FARP1: variants seen among roughly 807,000 people sequenced by gnomAD.
FARP1 encodes FERM, ARH/RhoGEF and pleckstrin domain protein 1, also known as FERM, ARHGEF and pleckstrin domain-containing protein 1.
FARP1 carries 52 observed loss-of-function variants against 128.8 expected under a neutral mutation model. That is an observed-to-expected ratio of 0.40 (90% CI 0.32 to 0.51). FARP1 has a LOEUF of 0.51. Among genes scored for constraint, FARP1 ranks in the 20% least tolerant of loss-of-function variants. The pLI, the probability that FARP1 is intolerant of heterozygous loss-of-function variation, is 0.45. For missense variants in FARP1, 1,333 were observed against 1,367.9 expected, an observed-to-expected ratio of 0.97 and a Z score of 0.40; for synonymous variants, 580 against 551.8, an observed-to-expected ratio of 1.05 and a Z score of -0.72.
chr13:98,176,384 G>A lies in FARP1; in HGVS notation c.-24+32892G>A, dbSNP rs1878028968. 1 of 1,614,104 alleles carries A rather than the reference G, an allele frequency of 6.2e-7. No homozygotes were observed. The highest frequency in any genetic ancestry group is 1.7e-5 in the Admixed American group (1 of 60,014). On this transcript the variant is annotated intron_variant, in intron 1 of 26. Transcript: ENST00000319562. The surrounding 1 kb of genome is among the most constrained non-coding windows in gnomAD (Gnocchi z 6.2). ...CAGATGTAGCAGCGCGGGGTGGCCC[G>A]GAAGTGCTCCAGCGCGCAGCTCTCG...
intron 16 of FARP1, among the ~76,000 whole-genome samples, chr13:98,420,063 G>A (rs1007638611): frequency 2.0e-5 from 3 of 152,242 alleles, no homozygotes; most frequent in East Asian, 1.9e-4. Context: ...GAGGGAGCCC[G>A]CACCCTAGGG....
intron 2 of FARP1, among the ~76,000 whole-genome samples, chr13:98,279,849 G>A (rs73558531): frequency 0.087 from 13,258 of 152,204 alleles, 1,180 homozygotes; most frequent in African/African-American, 0.23. Context: ...GGGGTATGAC[G>A]TAGCTCAGAT....
At chr13:98,255,584 A>G (rs531410712) in intron 2 of FARP1, among the ~76,000 whole-genome samples, 1 of 152,332 alleles carries the variant, frequency 6.6e-6, no homozygotes, top group East Asian at 1.9e-4. Context: ...TTATGAAACA[A>G]TGCTCTTTTT....
intron 6 of FARP1, among the ~76,000 whole-genome samples, chr13:98,380,751 T>G (rs894327491): frequency 6.6e-6 from 1 of 152,120 alleles, no homozygotes; most frequent in Non-Finnish European, 1.5e-5. Flanking sequence ...TTTTTTCTTT[T>G]ATTTTTTTGT....
intron 2 of FARP1, among the ~76,000 whole-genome samples, chr13:98,313,531 T>A (rs1886585013): frequency 6.6e-6 from 1 of 152,200 alleles, no homozygotes; most frequent in Non-Finnish European, 1.5e-5. Flanking sequence ...CTTACTGGCC[T>A]CCTGAACTGT....
intron 5 of FARP1, among the ~76,000 whole-genome samples, chr13:98,375,139 A>G (rs1409416202): frequency 1.3e-5 from 2 of 152,174 alleles, no homozygotes; most frequent in Admixed American, 6.5e-5. Context: ...GTCATAAGTG[A>G]TGTTGTGTGC....
chr13:98,361,867 T>C (rs1321530025), intron 3 of FARP1, among the ~76,000 whole-genome samples: 4 of 152,198 alleles, frequency 2.6e-5, no homozygotes, highest in African/African-American at 9.7e-5. Flanking sequence ...TTTAGAGCTC[T>C]GTGTTCGCAT....
At chr13:98,160,599 C>T (rs572321378) in intron 1 of FARP1, among the ~76,000 whole-genome samples, 7 of 152,238 alleles carry the variant, frequency 4.6e-5, no homozygotes, top group African/African-American at 9.6e-5. Flanking sequence ...CTGTTGTTAA[C>T]GACTACCACT....
chr13:98,254,218 A>G (rs962942343), intron 2 of FARP1, among the ~76,000 whole-genome samples: 2 of 152,196 alleles, frequency 1.3e-5, no homozygotes, highest in African/African-American at 4.8e-5. Flanking sequence ...GCACTAATAC[A>G]TGCCATTATT....
chr13:98,267,625 A>T (rs1475787150), intron 2 of FARP1, among the ~76,000 whole-genome samples: 2 of 152,174 alleles, frequency 1.3e-5, no homozygotes, highest in Non-Finnish European at 2.9e-5. Flanking sequence ...AGCTGAAGGG[A>T]TGTGCCTCAC....
At chr13:98,337,041 C>A (rs1018111593) in intron 2 of FARP1, among the ~76,000 whole-genome samples, 1 of 152,078 alleles carries the variant, frequency 6.6e-6, no homozygotes, top group South Asian at 2.1e-4. Context: ...GATCTACCCC[C>A]AGCCCCAGCA....
chr13:98,333,328 G>A (rs1887591795), intron 2 of FARP1: 1 of 151,970 alleles, frequency 6.6e-6, no homozygotes, highest in Admixed American at 6.6e-5. Flanking sequence ...AAGATCAGGA[G>A]ATGACAAACC....
At position 98,176,212 on chromosome 13, in the gene FARP1, T is replaced by G; in HGVS notation, c.-24+32720T>G. On this transcript the variant is annotated intron_variant, in intron 1 of 26. Transcript: ENST00000319562. The surrounding 1 kb of genome is among the most constrained non-coding windows in gnomAD (Gnocchi z 6.2). ...AAAAAAATTTATTTAAATGTGAGAA[T>G]TATGGGAAACCTAAGCCATGGGAAT... The G allele has an allele frequency of 6.2e-7, 1 of 1,609,368 alleles. No homozygotes were observed. Among genetic ancestry groups the G allele is most frequent in the Non-Finnish European group, 8.5e-7 (1 of 1,176,048 alleles).
At chr13:98,399,050 G>T (rs991524152) in intron 13 of FARP1, 3 of 152,192 alleles carry the variant, frequency 2.0e-5, no homozygotes, top group Admixed American at 1.3e-4. Context: ...TTCACTTTAA[G>T]AGTTGCTCAT....
rs1040801364 is a variant in FARP1 at position 98,176,103 on chromosome 13, C to G, written c.-24+32611C>G. On this transcript the variant is annotated intron_variant, in intron 1 of 26. Coordinates refer to ENST00000319562, the MANE Select transcript of FARP1 (RefSeq NM_005766.4). The surrounding 1 kb of genome is among the most constrained non-coding windows in gnomAD (Gnocchi z 6.2). ...CATGGGATTGCAGGAAGACTGTCATCTCTCTCATCTTACTCAACAGGCTGC... is the reference window on the plus strand; with the variant it reads ...CATGGGATTGCAGGAAGACTGTCATGTCTCTCATCTTACTCAACAGGCTGC... 7.0e-7 allele frequency: 1 copy of G among 1,420,910 alleles called. No homozygotes were observed. Among genetic ancestry groups the G allele is most frequent in the Non-Finnish European group, 9.9e-7 (1 of 1,014,200 alleles). The allele number at this position is 1,420,910 out of a possible 1,614,324, so 88.0% of individuals were successfully genotyped here.
intron 2 of FARP1, chr13:98,333,200 A>G (rs1218415325): frequency 6.6e-6 from 1 of 152,142 alleles, no homozygotes; most frequent in African/African-American, 2.4e-5. Flanking sequence ...GTGATATTTT[A>G]TTCTCTGCCT....
Position 98,368,190 on chromosome 13 carries a change from C to T in FARP1, c.393C>T (p.Leu131=), listed in dbSNP as rs756790950. ...ACCACACACAACTCCAAGAAGAACT[C>T]ACAAGGTTAGTGGTTTGGAAACTGT... ...PPDHTQLQEE[L]TRYLFALQVK... The change falls in exon 5 of 27, where the codon CTC becomes CTT. Residue 131 remains leucine (L), a synonymous_variant. Coordinates refer to ENST00000319562, the MANE Select transcript of FARP1 (RefSeq NM_005766.4). 1.1e-5 allele frequency: 17 copies of T among 1,612,570 alleles called. No individual in the cohort carries two copies. The highest frequency in any genetic ancestry group is 1.7e-4 in the Middle Eastern group (1 of 6,054).
intron 2 of FARP1, among the ~76,000 whole-genome samples, chr13:98,248,755 C>A (rs1257565284): frequency 1.3e-5 from 2 of 151,816 alleles, no homozygotes; most frequent in African/African-American, 2.4e-5. Context: ...AGCTCTCGCG[C>A]TGGAAACAGG....
chr13:98,454,586 AAAG>A lies in FARP1; in HGVS notation c.*6272_*6274del, dbSNP rs1185834112. ...TCACGGGATGAGTTGATGTCACACA[AAAG>A]AATCCAAACATTAATTCCAGCTGAG... On this transcript the variant is annotated 3_prime_UTR_variant, in exon 27 of 27. Transcript: ENST00000319562. 1.3e-5 allele frequency: 2 copies of A among 152,236 alleles called. No individual in the cohort carries two copies. The highest frequency in any genetic ancestry group is 6.5e-5 in the Admixed American group (1 of 15,290). The allele number at this position is 152,236 out of a possible 1,614,324, so 9.4% of individuals were successfully genotyped here.
Sources: allele counts gnomAD v4.1 joint callset (sites outside exome capture counted in the v4.1 genomes callset), GRCh38; gene constraint gnomAD v4.1.1; non-coding constraint Gnocchi (gnomAD v3.1); transcripts MANE v1.5; gene names NCBI Gene and HGNC (gene_info 2026-07-23, HGNC 2026-07-21).